The following CYP4F8 variants were observed in gnomAD, a reference collection of about 807,000 sequenced individuals.
CYP4F8 encodes the protein cytochrome P450 family 4 subfamily F member 8, also known as cytochrome P450 4F8.
In CYP4F8, 56 loss-of-function variants were observed where a neutral mutation model predicts 55.0. That is an observed-to-expected ratio of 1.02 (90% CI 0.82 to 1.27). CYP4F8 has a LOEUF of 1.27. Among genes scored for constraint, CYP4F8 ranks in the 50% most tolerant of loss-of-function variants. The pLI is 0.00. For missense variants in CYP4F8, 680 were observed against 682.4 expected (o/e 1.00, Z 0.04); for synonymous variants, 288 against 267.3 (o/e 1.08, Z -0.76).
chr19:15,627,774 T>G (rs1972280940), intron 9 of CYP4F8: 1 of 152,766 alleles, frequency 6.5e-6, no homozygotes, highest in Admixed American at 6.5e-5. Context: ...AACACTTTTG[T>G]TTTTGAGATG....
chr19:15,615,904 C>A (rs1972110035), intron 2 of CYP4F8, 90 bp downstream of exon 2: 3 of 571,488 alleles, frequency 5.2e-6, no homozygotes, highest in South Asian at 3.6e-5. Context: ...TCTGGGACGG[C>A]AGAGAAACTC....
At chr19:15,627,914 A>G in intron 9 of CYP4F8, 1 of 207,294 alleles carries the variant, frequency 4.8e-6, no homozygotes, top group South Asian at 7.0e-5. Flanking sequence ...GCCCACCACC[A>G]TGCGTGGCTA....
In CYP4F8 at chr19:15,619,732, G is replaced by T. The variant is rs554475476; in HGVS notation, c.495G>T (p.Lys165Asn). Reference sequence around the variant, plus strand: ...TCAACATCCTGAAGCCCTATATAAAGATTTTCAGCAAGAGTGCAAACATCA... The same window carrying T: ...TCAACATCCTGAAGCCCTATATAAATATTTTCAGCAAGAGTGCAAACATCA... ...FHFNILKPYI[K>N]IFSKSANIMH... The change falls in exon 5 of 13, where the codon AAG becomes AAT. Residue 165 changes from lysine (K) to asparagine (N), a missense_variant. Coordinates refer to ENST00000612078, the MANE Select transcript of CYP4F8 (RefSeq NM_007253.4). 35 of 1,613,232 alleles carry T rather than the reference G, an allele frequency of 2.2e-5. No individual in the cohort carries two copies. The East Asian group carries it at 6.9e-4, about 32-fold the overall frequency.
chr19:15,629,559 G>T lies in CYP4F8; in HGVS notation c.*201G>T, dbSNP rs1054996213. Reference sequence around the variant, plus strand: ...TGTCTCTGTGCCCAAGATACTCACTGCCTCTCTGGGTGAGCACAGGAGCCC... The same window carrying T: ...TGTCTCTGTGCCCAAGATACTCACTTCCTCTCTGGGTGAGCACAGGAGCCC... On this transcript the variant is annotated 3_prime_UTR_variant, in exon 13 of 13. Transcript: ENST00000612078. 1 of 679,694 alleles carries T rather than the reference G, an allele frequency of 1.5e-6. No individual in the cohort carries two copies. Among genetic ancestry groups the T allele is most frequent in the African/African-American group, 1.8e-5 (1 of 54,316 alleles). The allele number at this position is 679,694 out of a possible 1,614,324, so 42.1% of individuals were successfully genotyped here. A position where few individuals can be genotyped will look rare whatever the true frequency, so the allele number is the denominator to read the frequency against.
At chr19:15,615,910 A>AAATCACTCATTCCTCTGATC in intron 2 of CYP4F8, 96 bp downstream of exon 2, 1 of 749,450 alleles carries the variant, frequency 1.3e-6, no homozygotes. Flanking sequence ...ACGGCAGAGA[A>AAATCACTCATTCCTCTGATC]ACTCACTCAT....
chr19:15,624,527 C>T (rs1048701852), intron 9 of CYP4F8, among the ~76,000 whole-genome samples: 1 of 152,156 alleles, frequency 6.6e-6, no homozygotes, highest in African/African-American at 2.4e-5. Context: ...GTATAAAAGA[C>T]ATGATGTGTT....
At chr19:15,616,115 T>C (rs1212314912) in intron 2 of CYP4F8, among the ~76,000 whole-genome samples, 1 of 118,486 alleles carries the variant, frequency 8.4e-6, no homozygotes, top group African/African-American at 3.3e-5. Context: ...ATTCCTCTCC[T>C]CACTCACTCA....
chr19:15,615,565 G>A lies in CYP4F8; in HGVS notation c.-1-51G>A, dbSNP rs543825783. 1.9e-6 allele frequency: 3 copies of A among 1,586,598 alleles called. No homozygotes were observed. The African/African-American group carries it at 4.1e-5, about 21-fold the overall frequency. ...CCATCATTGGTCCTGGAGCTCCCCA[G>A]CCCCTTTCCTAGGCCTCAGGACCTC... is the stretch of plus-strand genomic sequence containing the variant. On this transcript the variant is annotated intron_variant, in intron 1 of 12. Transcript: ENST00000612078.
intron 9 of CYP4F8, chr19:15,627,768 C>G (rs1243561433): frequency 6.6e-6 from 1 of 152,562 alleles, no homozygotes; most frequent in Admixed American, 6.5e-5. Context: ...CAAATGAACA[C>G]TTTTGTTTTT....
chr19:15,629,106 G>T, intron 12 of CYP4F8, 87 bp from the exon 13 acceptor site: 1 of 1,484,362 alleles, frequency 6.7e-7, no homozygotes, highest in Non-Finnish European at 9.0e-7. Flanking sequence ...ATCTGGGTGG[G>T]GTTGGGGGTT....
chr19:15,615,877 G>A, intron 2 of CYP4F8, 63 bp downstream of exon 2: 1 of 1,461,316 alleles, frequency 6.8e-7, no homozygotes, highest in Non-Finnish European at 9.1e-7. Flanking sequence ...GGCTCAGGCT[G>A]AGGGGGTGGG....
rs772861514 is a variant in CYP4F8 at position 15,628,376 on chromosome 19, C to T, written c.1190C>T (p.Thr397Ile). Reference protein sequence around the residue: ...ESLRLHPPIPTFARGCTQDVV... With the variant: ...ESLRLHPPIPIFARGCTQDVV... ...CTGCGGTTGCATCCCCCAATCCCTACATTCGCCCGCGGCTGCACCCAGGAC... is the reference window on the plus strand; with the variant it reads ...CTGCGGTTGCATCCCCCAATCCCTATATTCGCCCGCGGCTGCACCCAGGAC... Residue 397 changes from threonine to isoleucine, a missense_variant, in exon 10 of 13, where the codon ACA becomes ATA. By Grantham distance (89) the Thr-to-Ile change is moderately conservative (BLOSUM62 -1). Coordinates refer to ENST00000612078, the MANE Select transcript of CYP4F8 (RefSeq NM_007253.4). The T allele has an allele frequency of 6.2e-7, 1 of 1,614,028 alleles. No homozygotes were observed. Among genetic ancestry groups the T allele is most frequent in the Admixed American group, 1.7e-5 (1 of 60,006 alleles).
Position 15,628,452 on chromosome 19 carries a change from G to A in CYP4F8, c.1249+17G>A, listed in dbSNP as rs905847881. ...TCCCCAAAGGTGCCCTCCATGGCAG[G>A]GGAGGAGGGTCCTGGGCAGGGCGGT... On this transcript the variant is annotated intron_variant, in intron 10 of 12. Transcript: ENST00000612078. 8.1e-6 allele frequency: 13 copies of A among 1,613,698 alleles called. No individual in the cohort carries two copies. The highest frequency in any genetic ancestry group is 1.1e-5 in the Non-Finnish European group (13 of 1,179,870).
At chr19:15,622,896 C>T in intron 6 of CYP4F8, 2 of 601,988 alleles carry the variant, frequency 3.3e-6, no homozygotes, top group South Asian at 4.1e-5. Context: ...TTTTATAAGA[C>T]AGAGAGAGGA....
At chr19:15,615,559 T>G (rs1188045473) in intron 1 of CYP4F8, 57 bp from the exon 2 acceptor site, 1 of 1,562,320 alleles carries the variant, frequency 6.4e-7, no homozygotes, top group African/African-American at 1.4e-5. Flanking sequence ...GTCCTGGAGC[T>G]CCCCAGCCCC....
chr19:15,623,720 T>C lies in CYP4F8; in HGVS notation c.940T>C (p.Ser314Pro), dbSNP rs753449449. Residue 314 changes from serine to proline, a missense_variant, in exon 8 of 13, where the codon TCA becomes CCA. By Grantham distance (74) the Ser-to-Pro change is moderately conservative. Transcript: ENST00000612078. ...LSEDKNGKELSDEDIRAEADT... is the reference protein window; with the variant it reads ...LSEDKNGKELPDEDIRAEADT... Reference sequence around the variant, plus strand: ...CCAGGATAAAAATGGTAAAGAGTTGTCAGATGAGGACATAAGAGCAGAAGC... The same window carrying C: ...CCAGGATAAAAATGGTAAAGAGTTGCCAGATGAGGACATAAGAGCAGAAGC... 1.2e-6 allele frequency: 2 copies of C among 1,614,124 alleles called. No individual in the cohort carries two copies. Among genetic ancestry groups the C allele is most frequent in the Admixed American group, 3.3e-5 (2 of 60,022 alleles).
In CYP4F8 at chr19:15,629,438, C is replaced by G; in HGVS notation, c.*80C>G. The G allele has an allele frequency of 6.8e-7, 1 of 1,464,514 alleles. No homozygotes were observed. The highest frequency in any genetic ancestry group is 2.5e-5 in the East Asian group (1 of 39,716). 90.7% of individuals were successfully genotyped at this position (1,464,514 alleles called of 1,614,324 possible). A position where few individuals can be genotyped will look rare whatever the true frequency, so the allele number is the denominator to read the frequency against. The stretch of plus-strand genomic sequence containing the variant: ...CCTTTTCAGATTTCCGGTAATAAAT[C>G]TGTGTTGGCCCCTGTGCCTCAGTCC... On this transcript the variant is annotated 3_prime_UTR_variant, in exon 13 of 13. Coordinates refer to ENST00000612078, the MANE Select transcript of CYP4F8 (RefSeq NM_007253.4).
At position 15,623,221 on chromosome 19, in the gene CYP4F8, G is replaced by T. The variant is rs774126836; in HGVS notation, c.764G>T (p.Arg255Leu). Residue 255 changes from arginine to leucine, a missense_variant, in exon 7 of 13, where the codon CGC becomes CTC. Physicochemically the swap from Arg to Leu is moderately radical, Grantham distance 102. Transcript: ENST00000612078. ...FLYFLTPCGR[R>L]FHRACRLVHD... ...TACTTCCTCACTCCCTGTGGACGGC[G>T]CTTCCACAGGGCCTGCAGACTGGTG... 1 of 1,614,018 alleles carries T rather than the reference G, an allele frequency of 6.2e-7. No homozygotes were observed. The highest frequency in any genetic ancestry group is 8.5e-7 in the Non-Finnish European group (1 of 1,180,008).
At chr19:15,622,947 C>T in intron 6 of CYP4F8, 158 bp from the exon 7 acceptor site, 1 of 823,984 alleles carries the variant, frequency 1.2e-6, no homozygotes. Context: ...GGACCTGGGG[C>T]AGGAGGCAGC....
Sources: allele counts gnomAD v4.1 joint callset (sites outside exome capture counted in the v4.1 genomes callset), GRCh38; gene constraint gnomAD v4.1.1; transcripts MANE v1.5; gene names NCBI Gene and HGNC (gene_info 2026-07-23, HGNC 2026-07-21).